Variants in ZNF717 observed in about 807,000 individuals in gnomAD.
ZNF717 encodes the protein krueppel-like factor X17.
ZNF717 carries 9 observed loss-of-function variants against 13.8 expected under a neutral mutation model. That is an observed-to-expected ratio of 0.65 (90% CI 0.39 to 1.14). The LOEUF (loss-of-function observed/expected upper bound fraction) is 1.14, where lower values mean the gene tolerates loss of function less well. Among genes scored for constraint, ZNF717 ranks in the 50% most tolerant of loss-of-function variants. The pLI is 0.01. For synonymous variants in ZNF717, 327 were observed against 364.1 expected (o/e 0.90, Z 1.16); for missense variants, 1,040 against 1,080.7 (o/e 0.96, Z 0.53).
At chr3:75,731,985 C>T (rs1283726648), downstream of ZNF717, 3 of 689,380 alleles carry the variant, frequency 4.4e-6, no homozygotes, top group Non-Finnish European at 7.9e-6. Flanking sequence ...GCTGAAGGTT[C>T]CATATGGACA....
intron 5 of ZNF717, among the ~76,000 whole-genome samples, chr3:75,714,179 G>A (rs372535559): frequency 6.6e-6 from 1 of 151,802 alleles, no homozygotes; most frequent in Non-Finnish European, 1.5e-5. Flanking sequence ...ACATCAGTCA[G>A]GCCCTCCACA....
chr3:75,737,575 A>C lies in ZNF717; in HGVS notation c.2048T>G (p.Leu683Arg). The C allele has an allele frequency of 1.9e-6, 3 of 1,543,962 alleles. No homozygotes were observed. The highest frequency in any genetic ancestry group is 2.8e-5 in the African/African-American group (2 of 72,630). ...TAATAAGGTATGATTTCTGACAAAA[A>C]GTTTTTCCACATTCATTACATCCAT... ...NRMDVMNVEK[L>R]FVRNHTLLYI... is the part of the protein sequence containing the mutation. The change falls in exon 5 of 5, where the codon CTT becomes CGT. Residue 683 changes from leucine to arginine, a missense_variant. This residue lies in a region of ZNF717 where 873 missense variants were observed against 832.8 expected (regional missense o/e 1.05). Coordinates refer to ENST00000652011, the MANE Select transcript of ZNF717 (RefSeq NM_001290208.3).
intron 6 of ZNF717, among the ~76,000 whole-genome samples, chr3:75,702,365 G>A (rs1201602274): frequency 6.6e-6 from 1 of 152,306 alleles, no homozygotes; most frequent in Non-Finnish European, 1.5e-5. Flanking sequence ...AATAAGTCAG[G>A]CACAGAAAGA....
chr3:75,695,511 A>G (rs1182672070), intron 6 of ZNF717, among the ~76,000 whole-genome samples: 2 of 152,398 alleles, frequency 1.3e-5, no homozygotes, highest in Non-Finnish European at 1.5e-5. Flanking sequence ...ATTTCATCCA[A>G]CAGCTGCAGA....
intron 2 of ZNF717, among the ~76,000 whole-genome samples, chr3:75,777,183 G>C (rs1449557076): frequency 6.6e-6 from 1 of 152,254 alleles, no homozygotes; most frequent in Non-Finnish European, 1.5e-5. Context: ...TAACCTATGA[G>C]TGACATGCTA....
intron 2 of ZNF717, among the ~76,000 whole-genome samples, chr3:75,753,288 G>A (rs1942090374): frequency 1.4e-5 from 2 of 145,508 alleles, no homozygotes; most frequent in African/African-American, 5.1e-5. Flanking sequence ...CCAGCACACT[G>A]CTATGAGGTT....
intron 2 of ZNF717, among the ~76,000 whole-genome samples, chr3:75,780,019 GGA>G (rs1480098112): frequency 6.6e-6 from 1 of 151,880 alleles, no homozygotes; most frequent in Non-Finnish European, 1.5e-5. Flanking sequence ...CAAAACAATG[GGA>G]GAGACGTGCT....
chr3:75,766,433 A>C (rs1943473226), intron 2 of ZNF717, among the ~76,000 whole-genome samples: 1 of 152,262 alleles, frequency 6.6e-6, no homozygotes, highest in African/African-American at 2.4e-5. Context: ...ACCAGAAATA[A>C]ACAGGGTACT....
intron 6 of ZNF717, among the ~76,000 whole-genome samples, chr3:75,699,344 G>A (rs1937640895): frequency 3.3e-5 from 5 of 152,416 alleles, no homozygotes; most frequent in African/African-American, 7.2e-5. Context: ...GCAATGGCCA[G>A]GGGCAAAATG....
rs2107044570 is a variant in ZNF717 at position 75,737,535 on chromosome 3, G to C, written c.2088C>G (p.Leu696=). 1.3e-6 allele frequency: 2 copies of C among 1,553,276 alleles called. No homozygotes were observed. Among genetic ancestry groups the C allele is most frequent in the South Asian group, 2.4e-5 (2 of 84,128 alleles). The part of the protein sequence containing the change: ...RNHTLLYIRE[L]TPGKSPMNVM... ...CATTCATAGGGCTTTTCCCCGGTGTGAGTTCTCTGATGTATAATAAGGTAT... is the reference window on the plus strand; with the variant it reads ...CATTCATAGGGCTTTTCCCCGGTGTCAGTTCTCTGATGTATAATAAGGTAT... Residue 696 remains leucine, a synonymous_variant, in exon 5 of 5, where the codon CTC becomes CTG. Coordinates refer to ENST00000652011, the MANE Select transcript of ZNF717 (RefSeq NM_001290208.3).
chr3:75,734,815 A>ATTTTTTTTTTTT (rs1469622349), downstream of ZNF717, among the ~76,000 whole-genome samples: 2 of 43,254 alleles, frequency 4.6e-5, no homozygotes, highest in African/African-American at 8.0e-5. Flanking sequence ...ATATATATAT[A>ATTTTTTTTTTTT]TATTTTTTTT....
At chr3:75,780,137 A>C (rs1296664425) in intron 2 of ZNF717, among the ~76,000 whole-genome samples, 2 of 152,000 alleles carry the variant, frequency 1.3e-5, no homozygotes, top group East Asian at 3.9e-4. Flanking sequence ...TGACGTGCTA[A>C]AACTGGAACC....
chr3:75,755,782 T>C (rs893475182), intron 2 of ZNF717, among the ~76,000 whole-genome samples: 1 of 152,192 alleles, frequency 6.6e-6, no homozygotes, highest in Non-Finnish European at 1.5e-5. Context: ...AAATCATCAA[T>C]GAAAACTGCA....
intron 2 of ZNF717, among the ~76,000 whole-genome samples, chr3:75,753,053 G>A (rs1360728661): frequency 2.8e-5 from 4 of 141,682 alleles, no homozygotes; most frequent in African/African-American, 7.9e-5. Flanking sequence ...ACACTGCTAT[G>A]AGGGTCTGAA....
At chr3:75,711,114 C>T (rs1389769474) in exon 6 of ZNF717, 2 of 152,054 alleles carry the variant, frequency 1.3e-5, no homozygotes, top group South Asian at 2.1e-4. Flanking sequence ...AATAATATAA[C>T]CAAGGTTTTC....
At chr3:75,723,756 G>T (rs1228804598) in intron 4 of ZNF717, among the ~76,000 whole-genome samples, 1 of 152,166 alleles carries the variant, frequency 6.6e-6, no homozygotes, top group Non-Finnish European at 1.5e-5. Flanking sequence ...AGCAGACCTT[G>T]GTCTAGCGGT....
chr3:75,717,441 C>T (rs1575719779), intron 4 of ZNF717, among the ~76,000 whole-genome samples: 1 of 152,302 alleles, frequency 6.6e-6, no homozygotes, highest in East Asian at 1.9e-4. Context: ...ACAATCAAGT[C>T]ATTCACAGCA....
downstream of ZNF717, among the ~76,000 whole-genome samples, chr3:75,733,778 C>CAAAAAAAAA (rs56196464): frequency 4.0e-3 from 107 of 26,642 alleles, 8 homozygotes; most frequent in African/African-American, 0.017. Flanking sequence ...GACTCTATCT[C>CAAAAAAAAA]AAAAAAAAAA....
chr3:75,700,505 A>G (rs530671885), intron 6 of ZNF717, among the ~76,000 whole-genome samples: 34 of 152,406 alleles, frequency 2.2e-4, no homozygotes, highest in African/African-American at 7.9e-4. Context: ...ATAAAACAAA[A>G]CTGGAGGAAT....
Sources: allele counts gnomAD v4.1 joint callset (sites outside exome capture counted in the v4.1 genomes callset), GRCh38; gene constraint gnomAD v4.1.1; regional missense constraint gnomAD v4.1.1; transcripts MANE v1.5; gene names NCBI Gene and HGNC (gene_info 2026-07-23, HGNC 2026-07-21).